ZNF516: variants seen among roughly 807,000 people sequenced by gnomAD.
ZNF516 encodes zinc finger protein 516.
Under a neutral mutation model 79.7 loss-of-function variants are expected in ZNF516, and 19 were observed. The ratio of observed to expected loss-of-function variants is 0.24; its 90% confidence interval spans 0.17 to 0.35. The LOEUF is 0.35. Ranked by LOEUF, ZNF516 falls within the 10% of genes least tolerant of loss-of-function variation. ZNF516 has a pLI of 1.00. For synonymous variants in ZNF516, 877 were observed against 739.5 expected (o/e 1.19, Z -3.02); for missense variants, 1,678 against 1,679.5 (o/e 1.00, Z 0.02).
chr18:76,485,815 G>C (rs1046484525), intron 1 of ZNF516, among the ~76,000 whole-genome samples: 1 of 150,014 alleles, frequency 6.7e-6, no homozygotes, highest in Non-Finnish European at 1.5e-5. Flanking sequence ...CACCACAGAA[G>C]CTCAGGGGAA....
chr18:76,424,934 C>T (rs2075572630), intron 3 of ZNF516, among the ~76,000 whole-genome samples: 1 of 148,432 alleles, frequency 6.7e-6, no homozygotes, highest in Non-Finnish European at 1.5e-5. Context: ...GAAAAGGTTC[C>T]CCCATGAAAC....
In ZNF516 at chr18:76,379,792, G is replaced by C. The variant is rs1344628187; in HGVS notation, c.2322C>G (p.Val774=). 6.2e-7 allele frequency: 1 copy of C among 1,613,760 alleles called. No individual in the cohort carries two copies. The highest frequency in any genetic ancestry group is 8.5e-7 in the Non-Finnish European group (1 of 1,179,854). ...GCCAGATGCGTTTGTGCATCCACAG[G>C]ACCTCGGGGTAGTAGGTCTTGTGGC... The part of the protein sequence containing the change: ...YCSHKTYYPE[V]LWMHKRIWHR... Residue 774 remains valine (V), a synonymous_variant, in exon 4 of 7, where the codon GTC becomes GTG. Transcript: ENST00000443185.
In ZNF516 at chr18:76,379,239, C is replaced by A; in HGVS notation, c.2875G>T (p.Gly959Trp). Residue 959 changes from glycine (G) to tryptophan (W), a missense_variant, in exon 4 of 7, where the codon GGG (glycine) becomes TGG (tryptophan). Transcript: ENST00000443185. The stretch of plus-strand genomic sequence containing the variant: ...TTATTTGTGGGGGCAAAGCCAGCCC[C>A]CGCTGGGGGGACCCCAAACTTCTCC... ...PVEKFGVPPA[G>W]AGFAPTNKHS... 1.9e-6 allele frequency: 3 copies of A among 1,612,714 alleles called. No individual in the cohort carries two copies. The highest frequency in any genetic ancestry group is 2.5e-6 in the Non-Finnish European group (3 of 1,179,694).
At chr18:76,466,237 A>T (rs565433995) in intron 1 of ZNF516, among the ~76,000 whole-genome samples, 2 of 150,940 alleles carry the variant, frequency 1.3e-5, no homozygotes, top group African/African-American at 4.9e-5. Flanking sequence ...TCACAGACGG[A>T]CTCCATCCCA....
At chr18:76,428,978 C>G (rs886894828) in intron 3 of ZNF516, among the ~76,000 whole-genome samples, 1 of 152,252 alleles carries the variant, frequency 6.6e-6, no homozygotes, top group African/African-American at 2.4e-5. Flanking sequence ...GCCAGGAGGC[C>G]GCTCAGGAGG....
chr18:76,379,517 T>C lies in ZNF516; in HGVS notation c.2597A>G (p.Asn866Ser). The stretch of plus-strand genomic sequence containing the variant: ...GGGACCTCCGGAATGGCTCTCCTTA[T>C]TCTTAGGCATGCTAGCGGCTTTTGT... ...VVTKAASMPKNKESHSGGPCA... is the reference protein window; with the variant it reads ...VVTKAASMPKSKESHSGGPCA... The change falls in exon 4 of 7, where the codon AAT (asparagine) becomes AGT (serine). Residue 866 changes from asparagine to serine, a missense_variant. By Grantham distance (46) the Asn-to-Ser change is conservative. Coordinates refer to ENST00000443185, the MANE Select transcript of ZNF516 (RefSeq NM_014643.4). The C allele has an allele frequency of 1.2e-6, 2 of 1,613,728 alleles. No homozygotes were observed. The highest frequency in any genetic ancestry group is 1.7e-6 in the Non-Finnish European group (2 of 1,179,882).
At position 76,379,076 on chromosome 18, in the gene ZNF516, A is replaced by G. The variant is rs1410492653; in HGVS notation, c.3038T>C (p.Leu1013Pro). 3 of 1,610,944 alleles carry G rather than the reference A, an allele frequency of 1.9e-6. No individual in the cohort carries two copies. Among genetic ancestry groups the G allele is most frequent in the South Asian group, 2.2e-5 (2 of 91,066 alleles). ...PSKAAQELRT[L>P]ATCAAGSRGD... ...CCTGGACCCCGCAGCACAGGTGGCCAGAGTCCTCAGCTCCTGGGCTGCCTT... is the reference window on the plus strand; with the variant it reads ...CCTGGACCCCGCAGCACAGGTGGCCGGAGTCCTCAGCTCCTGGGCTGCCTT... Residue 1013 changes from leucine (L) to proline (P), a missense_variant, in exon 4 of 7, where the codon CTG (leucine) becomes CCG (proline). Physicochemically the swap from Leu to Pro is moderately conservative, Grantham distance 98 (BLOSUM62 -3). This residue lies in a region of ZNF516 where 1,294 missense variants were observed against 1,248.3 expected (regional missense o/e 1.04). Transcript: ENST00000443185.
chr18:76,460,372 C>A (rs949508329), intron 2 of ZNF516, among the ~76,000 whole-genome samples: 1 of 152,162 alleles, frequency 6.6e-6, no homozygotes, highest in African/African-American at 2.4e-5. Context: ...ACCTTCCAGG[C>A]CCCCGCTCTC....
rs1182552768 is a variant in ZNF516 at position 76,361,167 on chromosome 18, C to T, written c.*1331G>A. On this transcript the variant is annotated 3_prime_UTR_variant, in exon 7 of 7. Coordinates refer to ENST00000443185, the MANE Select transcript of ZNF516 (RefSeq NM_014643.4). The stretch of plus-strand genomic sequence containing the variant: ...ACATTTTCATTCAAGGCAGCAGTAA[C>T]TTTTGATAATGCATAAAATCATATG... 2.6e-5 allele frequency: 4 copies of T among 152,042 alleles called. No individual in the cohort carries two copies. The highest frequency in any genetic ancestry group is 9.7e-5 in the African/African-American group (4 of 41,380). 9.4% of individuals were successfully genotyped at this position (152,042 alleles called of 1,614,324 possible).
At chr18:76,492,862 C>G in intron 1 of ZNF516, 1 of 985,826 alleles carries the variant, frequency 1.0e-6, no homozygotes, top group Non-Finnish European at 1.2e-6. Flanking sequence ...GCCGAACTGA[C>G]TCGAATAAAA....
At chr18:76,382,677 G>A (rs1394374247) in intron 3 of ZNF516, among the ~76,000 whole-genome samples, 2 of 152,152 alleles carry the variant, frequency 1.3e-5, no homozygotes, top group African/African-American at 2.4e-5. Flanking sequence ...TTGGGAGGCC[G>A]AGGCGGGCAG....
chr18:76,373,341 G>T lies in ZNF516; in HGVS notation c.3260-1770C>A, dbSNP rs901219714. On this transcript the variant is annotated intron_variant, in intron 4 of 6. Coordinates refer to ENST00000443185, the MANE Select transcript of ZNF516 (RefSeq NM_014643.4). ...AAAGAAAAGAAGGAAGTAAAGAAAAGGAAGGAAAGGAAAGAAAGAAAAGAG... is the reference window on the plus strand; with the variant it reads ...AAAGAAAAGAAGGAAGTAAAGAAAATGAAGGAAAGGAAAGAAAGAAAAGAG... Among the ~76,000 whole-genome samples, 4 of 151,676 alleles carry T rather than the reference G, an allele frequency of 2.6e-5. No individual in the cohort carries two copies. In the East Asian group the frequency reaches 7.7e-4, roughly 29 times the overall value.
chr18:76,373,868 G>A (rs1442955300), intron 4 of ZNF516, among the ~76,000 whole-genome samples: 3 of 152,214 alleles, frequency 2.0e-5, no homozygotes, highest in Non-Finnish European at 2.9e-5. Flanking sequence ...ACAACATTCC[G>A]AGTCAATCAC....
rs1442056214 is a variant in ZNF516 at position 76,493,070 on chromosome 18, G to A, written c.-272+2074C>T. On this transcript the variant is annotated intron_variant, in intron 1 of 6. Transcript: ENST00000443185. This position sits in a 1 kb window ranked among gnomAD's most constrained non-coding sequence, Gnocchi z 5.2. Reference sequence around the variant, plus strand: ...CAGAGCCGTCACTCACGCCCAGGGGGCAGGGAGACTTCGCAAAGCTGTTTC... The same window carrying A: ...CAGAGCCGTCACTCACGCCCAGGGGACAGGGAGACTTCGCAAAGCTGTTTC... The A allele has an allele frequency of 1.0e-6, 1 of 984,798 alleles. No homozygotes were observed. The highest frequency in any genetic ancestry group is 1.2e-6 in the Non-Finnish European group (1 of 829,874). 61.0% of individuals were successfully genotyped at this position (984,798 alleles called of 1,614,324 possible). A position where few individuals can be genotyped will look rare whatever the true frequency, so the allele number is the denominator to read the frequency against.
rs765786448 is a variant in ZNF516 at position 76,442,732 on chromosome 18, G to A, written c.323C>T (p.Ser108Phe). 7 of 1,581,764 alleles carry A rather than the reference G, an allele frequency of 4.4e-6. No homozygotes were observed. The highest frequency in any genetic ancestry group is 6.0e-6 in the Non-Finnish European group (7 of 1,164,356). ...GEAPLGEMRA[S>F]EGLDACASPT... ...GCTGGCGCAGGCGTCCAGGCCCTCG[G>A]AGGCGCGCATCTCACCCAGCGGCGC... is the stretch of plus-strand genomic sequence containing the variant. Residue 108 changes from serine to phenylalanine, a missense_variant, in exon 3 of 7, where the codon TCC becomes TTC. By Grantham distance (155) the Ser-to-Phe change is radical. This residue lies in a region of ZNF516 where 279 missense variants were observed against 254.1 expected (regional missense o/e 1.10). Transcript: ENST00000443185.
At chr18:76,367,540 C>T (rs2074634306) in intron 6 of ZNF516, among the ~76,000 whole-genome samples, 1 of 152,200 alleles carries the variant, frequency 6.6e-6, no homozygotes, top group African/African-American at 2.4e-5. Flanking sequence ...TGAGCTGACC[C>T]CCACCCAGTT....
At chr18:76,474,952 C>G (rs773134166) in intron 1 of ZNF516, among the ~76,000 whole-genome samples, 5 of 152,000 alleles carry the variant, frequency 3.3e-5, no homozygotes, top group Non-Finnish European at 7.4e-5. Context: ...GTAAACAGAC[C>G]AATATTTAAG....
intron 1 of ZNF516, chr18:76,488,094 T>A: frequency 2.0e-6 from 2 of 984,388 alleles, no homozygotes; most frequent in Non-Finnish European, 1.2e-6. Flanking sequence ...CATCCCTCGG[T>A]GCCTCTCATA....
At chr18:76,484,383 GT>G (rs746378002) in intron 1 of ZNF516, among the ~76,000 whole-genome samples, 10 of 152,128 alleles carry the variant, frequency 6.6e-5, no homozygotes, top group Admixed American at 2.6e-4. Context: ...AATAATGTAA[GT>G]TTACAAAGAA....
Sources: allele counts gnomAD v4.1 joint callset (sites outside exome capture counted in the v4.1 genomes callset), GRCh38; gene constraint gnomAD v4.1.1; regional missense constraint gnomAD v4.1.1; non-coding constraint Gnocchi (gnomAD v3.1); transcripts MANE v1.5; gene names NCBI Gene and HGNC (gene_info 2026-07-23, HGNC 2026-07-21).